PRKD2: variants seen among roughly 807,000 people sequenced by gnomAD.
PRKD2 encodes protein kinase D2, also known as serine/threonine-protein kinase D2.
Under a neutral mutation model 86.0 loss-of-function variants are expected in PRKD2, and 22 were observed. The ratio of observed to expected loss-of-function variants is 0.26; its 90% CI spans 0.18 to 0.37. The LOEUF is 0.37. PRKD2 is among the 10% of genes least tolerant of loss of function. The probability of loss-of-function intolerance (pLI) is 1.00; values close to 1 mark genes in which losing one functional copy is unlikely to be tolerated. For missense variants in PRKD2, 818 were observed against 1,199.2 expected (o/e 0.68, Z 4.70); for synonymous variants, 509 against 510.9 (o/e 1.00, Z 0.05).
Position 46,716,279 on chromosome 19 carries a change from G to A in PRKD2, c.92C>T (p.Pro31Leu), listed in dbSNP as rs1465313123. The A allele has an allele frequency of 8.2e-6, 13 of 1,582,894 alleles. No homozygotes were observed. The highest frequency in any genetic ancestry group is 1.0e-5 in the Non-Finnish European group (12 of 1,165,532). ...CGGGATCTGGGGCAGTAGCGGTGGC[G>A]GCGACTGCAGCTCTAGGCCGCCGGG... ...PPPGGLELQSPPPLLPQIPAP... is the reference protein window; with the variant it reads ...PPPGGLELQSLPPLLPQIPAP... Residue 31 changes from proline to leucine, a missense_variant, in exon 1 of 18, where the codon CCG becomes CTG. Pro to Leu is a moderately conservative substitution (Grantham distance 98). This residue lies in a region of PRKD2 where 403 missense variants were observed against 518.6 expected (regional missense o/e 0.78). Coordinates refer to ENST00000291281, the MANE Select transcript of PRKD2 (RefSeq NM_016457.5). This position sits in a 1 kb window ranked among gnomAD's most constrained non-coding sequence, Gnocchi z 7.9.
At chr19:46,714,815 T>G (rs2053862702) in intron 1 of PRKD2, among the ~76,000 whole-genome samples, 1 of 152,150 alleles carries the variant, frequency 6.6e-6, no homozygotes, top group Non-Finnish European at 1.5e-5. Context: ...GTGGGCTGAG[T>G]TGGGGTGGTG....
At chr19:46,679,535 G>C (rs1218426763) in intron 15 of PRKD2, among the ~76,000 whole-genome samples, 1 of 152,226 alleles carries the variant, frequency 6.6e-6, no homozygotes, top group East Asian at 1.9e-4. Context: ...GTTGATAGCA[G>C]CCTCCTCTCA....
chr19:46,689,313 G>A (rs1240350998), intron 14 of PRKD2, among the ~76,000 whole-genome samples: 2 of 151,928 alleles, frequency 1.3e-5, no homozygotes, highest in African/African-American at 4.8e-5. Context: ...AGTAGAGACA[G>A]GGTTTCACCA....
In PRKD2 at chr19:46,689,518, G is replaced by T. The variant is rs768645674; in HGVS notation, c.1971+19C>A. 3 of 1,579,376 alleles carry T rather than the reference G, an allele frequency of 1.9e-6. No individual in the cohort carries two copies. In the Admixed American group the frequency reaches 5.7e-5, roughly 30 times the overall value. The stretch of plus-strand genomic sequence containing the variant: ...ACCTGATGGGGAGGGGCGGGTGGCA[G>T]CGGGCAGGGCAGACGCACCTGGGTG... On this transcript the variant is annotated intron_variant, in intron 14 of 17. Transcript: ENST00000291281.
intron 14 of PRKD2, among the ~76,000 whole-genome samples, chr19:46,687,981 C>T (rs1181740870): frequency 1.3e-5 from 2 of 152,084 alleles, no homozygotes; most frequent in Non-Finnish European, 2.9e-5. Context: ...AGAGCCTCTC[C>T]ACTCCCTTCC....
At position 46,678,280 on chromosome 19, in the gene PRKD2, C is replaced by A; in HGVS notation, c.2338+116G>T. 6.8e-7 allele frequency: 1 copy of A among 1,460,938 alleles called. No individual in the cohort carries two copies. Among genetic ancestry groups the A allele is most frequent in the Non-Finnish European group, 9.1e-7 (1 of 1,093,564 alleles). The allele number at this position is 1,460,938 out of a possible 1,614,324, so 90.5% of individuals were successfully genotyped here. A position where few individuals can be genotyped will look rare whatever the true frequency, so the allele number is the denominator to read the frequency against. On this transcript the variant is annotated intron_variant, in intron 16 of 17. Transcript: ENST00000291281. This position sits in a 1 kb window ranked among gnomAD's most constrained non-coding sequence, Gnocchi z 5.7. ...CCAGTAGGCCCGCCCCAGCACTGGG[C>A]TCCACCCCCAAGGTGCCAGGCTGTT...
chr19:46,713,532 A>G (rs545025322), intron 2 of PRKD2, among the ~76,000 whole-genome samples: 2 of 152,260 alleles, frequency 1.3e-5, no homozygotes, highest in South Asian at 2.1e-4. Flanking sequence ...ATCCTAATCC[A>G]TAAATGAAAG....
intron 9 of PRKD2, among the ~76,000 whole-genome samples, chr19:46,695,785 CAGGTGAT>C (rs1467020455): frequency 7.9e-4 from 121 of 152,252 alleles, no homozygotes; most frequent in African/African-American, 2.8e-3. Context: ...CCCATAAAAC[CAGGTGAT>C]GACATGGACA....
intron 8 of PRKD2, 89 bp from the exon 9 acceptor site, chr19:46,697,323 G>A: frequency 1.0e-6 from 1 of 973,934 alleles, no homozygotes; most frequent in African/African-American, 1.6e-5. Context: ...CCAGGTGCCT[G>A]GAGCACCACG....
intron 7 of PRKD2, among the ~76,000 whole-genome samples, chr19:46,700,327 TAC>T (rs1165337275): frequency 6.6e-6 from 1 of 151,792 alleles, no homozygotes; most frequent in Admixed American, 6.6e-5. Context: ...AGTTTGAGGT[TAC>T]AGTGAGCCAC....
intron 3 of PRKD2, among the ~76,000 whole-genome samples, chr19:46,705,511 G>A (rs180721583): frequency 2.9e-4 from 44 of 152,276 alleles, no homozygotes; most frequent in African/African-American, 9.9e-4. Flanking sequence ...TGTGGGCCAC[G>A]CATGGTGGCT....
intron 16 of PRKD2, among the ~76,000 whole-genome samples, chr19:46,675,512 T>G (rs940413568): frequency 2.6e-5 from 4 of 152,144 alleles, no homozygotes; most frequent in African/African-American, 9.7e-5. Flanking sequence ...GGCACGATCT[T>G]GGCTCACTGC....
At chr19:46,699,563 C>T (rs1030385356) in intron 7 of PRKD2, among the ~76,000 whole-genome samples, 3 of 152,176 alleles carry the variant, frequency 2.0e-5, no homozygotes, top group Non-Finnish European at 2.9e-5. Context: ...CACAGGGAAG[C>T]GCCTAGCAAG....
At chr19:46,680,946 A>ATATATATATATATATATTTTT in intron 15 of PRKD2, among the ~76,000 whole-genome samples, 97 of 48,182 alleles carry the variant, frequency 2.0e-3, no homozygotes, top group Non-Finnish European at 3.3e-3. Flanking sequence ...ATATATATAT[A>ATATATATATATATATATTTTT]TTTTTTTTTT....
At chr19:46,708,308 CTTTTTTTTTTTTTT>C (rs61231695) in intron 3 of PRKD2, among the ~76,000 whole-genome samples, 38 of 82,188 alleles carry the variant, frequency 4.6e-4, no homozygotes, top group Middle Eastern at 6.6e-3. Flanking sequence ...GACTGGTGAC[CTTTTTTTTTTTTTT>C]TTTTTTTTTT....
intron 14 of PRKD2, among the ~76,000 whole-genome samples, chr19:46,687,595 GTTACTATGAAGA>G (rs1241621606): frequency 6.6e-6 from 1 of 152,132 alleles, no homozygotes; most frequent in Non-Finnish European, 1.5e-5. Flanking sequence ...TACTGCACAG[GTTACTATGAAGA>G]TTAAATGAGT....
chr19:46,695,897 G>A (rs895277170), intron 9 of PRKD2, among the ~76,000 whole-genome samples: 26 of 152,066 alleles, frequency 1.7e-4, no homozygotes, highest in African/African-American at 5.8e-4. Context: ...GGAGTGCAGT[G>A]ACGCGATCTC....
rs2053163805 is a variant in PRKD2, at chr19:46,674,432, G to T, written c.*91C>A. The T allele has an allele frequency of 2.2e-6, 3 of 1,391,494 alleles. No homozygotes were observed. The East Asian group carries it at 7.4e-5, about 35-fold the overall frequency. 86.2% of individuals were successfully genotyped at this position (1,391,494 alleles called of 1,614,324 possible). On this transcript the variant is annotated 3_prime_UTR_variant, in exon 18 of 18. Coordinates refer to ENST00000291281, the MANE Select transcript of PRKD2 (RefSeq NM_016457.5). Reference sequence around the variant, plus strand: ...CTCCCCACGTGTCCCATCCAGTTTGGGCAGGAAGCCACTTTCCCTAGAACA... The same window carrying T: ...CTCCCCACGTGTCCCATCCAGTTTGTGCAGGAAGCCACTTTCCCTAGAACA...
Position 46,708,943 on chromosome 19 carries a change from A to G in PRKD2, c.511+1964T>C, listed in dbSNP as rs552863961. On this transcript the variant is annotated intron_variant, in intron 3 of 17. Coordinates refer to ENST00000291281, the MANE Select transcript of PRKD2 (RefSeq NM_016457.5). ...CACAGTTATTCAGACACTAATCTAG[A>G]TGTTGCCATGAAGGTTGGTTTGTTT... 7.4e-5 allele frequency among the ~76,000 whole-genome samples: 11 copies of G among 147,820 alleles called. No individual in the cohort carries two copies. In the East Asian group the frequency reaches 2.2e-3, roughly 30 times the overall value.
Sources: gnomAD v4.1 joint callset for allele counts (sites outside exome capture counted in the v4.1 genomes callset) on GRCh38, gnomAD v4.1.1 for gene constraint, gnomAD v4.1.1 regional missense constraint, Gnocchi (gnomAD v3.1) non-coding constraint, MANE v1.5 for transcripts, NCBI Gene and HGNC (gene_info 2026-07-23, HGNC 2026-07-21) for gene names.